FHIT: variants seen among roughly 807,000 people sequenced by gnomAD.
FHIT encodes bis(5'-adenosyl)-triphosphatase.
In FHIT, 19 loss-of-function variants were observed where a neutral mutation model predicts 17.9. That is an observed-to-expected ratio of 1.06 (90% CI 0.74 to 1.56). The LOEUF is 1.56. FHIT is among the 40% of genes most tolerant of loss of function. The probability of loss-of-function intolerance (pLI) is 0.00; values close to 1 mark genes in which losing one functional copy is unlikely to be tolerated. For synonymous variants in FHIT, 81 were observed against 69.7 expected (o/e 1.16, Z -0.81); for missense variants, 248 against 189.2 (o/e 1.31, Z -1.82).
intron 5 of FHIT, among the ~76,000 whole-genome samples, chr3:60,090,683 G>C (rs1034152435): frequency 6.6e-6 from 1 of 152,178 alleles, no homozygotes; most frequent in African/African-American, 2.4e-5. Context: ...GTCTTGAATA[G>C]TTGAGAACTG....
At chr3:60,274,768 T>C (rs373248466) in intron 5 of FHIT, among the ~76,000 whole-genome samples, 2 of 152,192 alleles carry the variant, frequency 1.3e-5, no homozygotes, top group African/African-American at 2.4e-5. Flanking sequence ...GAGAGATTCA[T>C]GGCCTTAGTA....
intron 4 of FHIT, among the ~76,000 whole-genome samples, chr3:60,596,319 G>A (rs914130522): frequency 3.3e-5 from 5 of 152,032 alleles, no homozygotes; most frequent in Admixed American, 3.3e-4. Flanking sequence ...GCACGCACAG[G>A]CTGCAGGCTC....
At chr3:60,836,168 G>A (rs989822037) in intron 3 of FHIT, among the ~76,000 whole-genome samples, 5 of 152,136 alleles carry the variant, frequency 3.3e-5, no homozygotes, top group Non-Finnish European at 5.9e-5. Flanking sequence ...CTTTTAGCCT[G>A]AATCCTGTTT....
intron 4 of FHIT, among the ~76,000 whole-genome samples, chr3:60,572,630 T>C (rs782370124): frequency 6.6e-6 from 1 of 152,090 alleles, no homozygotes; most frequent in Non-Finnish European, 1.5e-5. Context: ...CCACACCCTG[T>C]GGTTTCTTTT....
At chr3:60,657,542 A>C (rs568751644) in intron 4 of FHIT, among the ~76,000 whole-genome samples, 1 of 152,184 alleles carries the variant, frequency 6.6e-6, no homozygotes, top group South Asian at 2.1e-4. Context: ...TAAGTCACTT[A>C]TCCATTCAAT....
chr3:60,169,575 C>A (rs1701328424), intron 5 of FHIT, among the ~76,000 whole-genome samples: 1 of 152,036 alleles, frequency 6.6e-6, no homozygotes, highest in African/African-American at 2.4e-5. Context: ...CTATTAAGGC[C>A]CTTAGAAACA....
At chr3:60,176,310 C>T (rs572685325) in intron 5 of FHIT, among the ~76,000 whole-genome samples, 189 of 152,268 alleles carry the variant, frequency 1.2e-3, no homozygotes, top group African/African-American at 4.2e-3. Context: ...TGAGCTCGTA[C>T]CACTGCACTC....
At chr3:60,397,888 C>T (rs866356925) in intron 5 of FHIT, among the ~76,000 whole-genome samples, 9 of 152,090 alleles carry the variant, frequency 5.9e-5, no homozygotes, top group Non-Finnish European at 1.5e-5. Flanking sequence ...CTTTGAGTAG[C>T]GTCTTTGCTT....
chr3:60,349,107 T>G (rs930297260), intron 5 of FHIT, among the ~76,000 whole-genome samples: 8 of 152,206 alleles, frequency 5.3e-5, no homozygotes, highest in Admixed American at 2.0e-4. Context: ...GAACATCAGG[T>G]TGCATAAAAT....
intron 8 of FHIT, among the ~76,000 whole-genome samples, chr3:59,908,762 GC>G (rs1559720232): frequency 6.8e-6 from 1 of 147,576 alleles, no homozygotes. Context: ...AACTTGCTGA[GC>G]AAAACCTGGC....
intron 4 of FHIT, among the ~76,000 whole-genome samples, chr3:60,720,093 T>C (rs1050545622): frequency 3.9e-5 from 6 of 152,132 alleles, no homozygotes; most frequent in Non-Finnish European, 8.8e-5. Flanking sequence ...CACCTCTATA[T>C]CTTATCTTGC....
At chr3:60,186,805 T>C (rs1166452620) in intron 5 of FHIT, among the ~76,000 whole-genome samples, 2 of 144,210 alleles carry the variant, frequency 1.4e-5, no homozygotes, top group East Asian at 1.9e-4. Context: ...TGGATGTTTT[T>C]ATTGTATTTG....
intron 5 of FHIT, among the ~76,000 whole-genome samples, chr3:60,204,444 G>GT (rs56126245): frequency 0.62 from 71,208 of 114,040 alleles, 17,546 homozygotes; most frequent in South Asian, 0.66. Flanking sequence ...TAATATTCTG[G>GT]TTTTTTTTTT....
At chr3:60,265,708 A>G (rs1173461150) in intron 5 of FHIT, among the ~76,000 whole-genome samples, 1 of 152,024 alleles carries the variant, frequency 6.6e-6, no homozygotes, top group African/African-American at 2.4e-5. Context: ...TAGAATATAT[A>G]AAGAACTTTT....
intron 5 of FHIT, among the ~76,000 whole-genome samples, chr3:60,190,456 T>G (rs1381398556): frequency 6.6e-6 from 1 of 151,632 alleles, no homozygotes; most frequent in Non-Finnish European, 1.5e-5. Flanking sequence ...ATAGTAAAAA[T>G]TCTAAGGGAG....
intron 7 of FHIT, among the ~76,000 whole-genome samples, chr3:59,993,204 C>T (rs368989988): frequency 4.6e-5 from 7 of 152,034 alleles, no homozygotes; most frequent in South Asian, 2.1e-4. Flanking sequence ...TTGGTCGTTA[C>T]GACATGTTGC....
At chr3:61,111,896 T>C (rs142498255) in intron 2 of FHIT, among the ~76,000 whole-genome samples, 133 of 152,290 alleles carry the variant, frequency 8.7e-4, no homozygotes, top group African/African-American at 3.0e-3. Context: ...AGAAACTGAG[T>C]CAAAACTGAA....
chr3:59,788,352 G>A (rs879796906), intron 8 of FHIT, among the ~76,000 whole-genome samples: 1 of 152,138 alleles, frequency 6.6e-6, no homozygotes, highest in South Asian at 2.1e-4. Context: ...TGGAAATGCA[G>A]ATGCTGTATC....
intron 3 of FHIT, among the ~76,000 whole-genome samples, chr3:60,870,592 T>C (rs1704371594): frequency 6.6e-6 from 1 of 152,178 alleles, no homozygotes; most frequent in African/African-American, 2.4e-5. Flanking sequence ...CTGACAGTCA[T>C]ATTGTATGTT....
Sources: gnomAD v4.1 joint callset for allele counts (sites outside exome capture counted in the v4.1 genomes callset) on GRCh38, gnomAD v4.1.1 for gene constraint, MANE v1.5 for transcripts, NCBI Gene and HGNC (gene_info 2026-07-23, HGNC 2026-07-21) for gene names.